The following CACNG1 variants were observed in gnomAD, a reference collection of about 807,000 sequenced individuals.
CACNG1 encodes the protein calcium voltage-gated channel auxiliary subunit gamma 1, also known as voltage-dependent calcium channel gamma-1 subunit.
A neutral mutation model predicts 22.0 loss-of-function variants in CACNG1; 21 were observed. The observed-to-expected ratio is 0.95, with a 90% CI of 0.68 to 1.37. The LOEUF is 1.37. Ranked by LOEUF, CACNG1 falls within the 40% of genes most tolerant of loss-of-function variation. The pLI is 0.00. For missense variants in CACNG1, 291 were observed against 308.6 expected, an observed-to-expected ratio of 0.94 and a Z score of 0.43; for synonymous variants, 127 against 129.2, an observed-to-expected ratio of 0.98 and a Z score of 0.12.
intron 1 of CACNG1, among the ~76,000 whole-genome samples, 160 bp downstream of exon 1, chr17:67,045,049 G>C (rs957297169): frequency 6.6e-6 from 1 of 152,236 alleles, no homozygotes; most frequent in Admixed American, 6.5e-5. Flanking sequence ...TTGCATGTGT[G>C]GTGCTGGTGG....
intron 1 of CACNG1, among the ~76,000 whole-genome samples, chr17:67,046,805 C>A (rs553987875): frequency 1.2e-4 from 19 of 152,328 alleles, no homozygotes; most frequent in African/African-American, 4.3e-4. Flanking sequence ...AGAATCCACA[C>A]AAGGAAGAGA....
chr17:67,054,955 GACAGAC>G lies in CACNG1; in HGVS notation c.305-142_305-137del. ...TACACACATACAATGACACACACAA[GACAGAC>G]ACAGAGACACACACTTGACACACAC... On this transcript the variant is annotated intron_variant, in intron 2 of 3. Transcript: ENST00000226021. This position sits in a 1 kb window ranked among gnomAD's most constrained non-coding sequence, Gnocchi z 4.6. 1 of 778,930 alleles carries G rather than the reference GACAGAC, an allele frequency of 1.3e-6. No individual in the cohort carries two copies. The highest frequency in any genetic ancestry group is 1.8e-5 in the African/African-American group (1 of 56,476). 48.3% of individuals were successfully genotyped at this position (778,930 alleles called of 1,614,324 possible).
chr17:67,056,121 G>A lies in CACNG1; in HGVS notation c.519G>A (p.Trp173Ter). The change falls in exon 4 of 4, where the codon TGG (tryptophan) becomes TGA (stop). Residue 173 changes from tryptophan (W) to a stop codon, truncating the protein, a stop_gained. Transcript: ENST00000226021. LOFTEE classifies it high-confidence loss of function. The surrounding 1 kb of genome is among the most constrained non-coding windows in gnomAD (Gnocchi z 4.3). Reference sequence around the variant, plus strand: ...TGATTGACAGTGAGGACACCGTCTGGATCGAGTACTATTACTCCTGGTCCT... The same window carrying A: ...TGATTGACAGTGAGGACACCGTCTGAATCGAGTACTATTACTCCTGGTCCT... ...KRMIDSEDTVWIEYYYSWSFA... is the reference protein window; with the variant it reads ...KRMIDSEDTV The A allele has an allele frequency of 6.2e-7, 1 of 1,613,760 alleles. No homozygotes were observed. Among genetic ancestry groups the A allele is most frequent in the Non-Finnish European group, 8.5e-7 (1 of 1,179,970 alleles).
chr17:67,047,631 A>G (rs2035704684), intron 1 of CACNG1, among the ~76,000 whole-genome samples: 1 of 152,196 alleles, frequency 6.6e-6, no homozygotes, highest in Admixed American at 6.5e-5. Flanking sequence ...CAGTGCAAAT[A>G]GTCTTTCTCC....
At chr17:67,047,346 A>G (rs1415302534) in intron 1 of CACNG1, among the ~76,000 whole-genome samples, 1 of 152,228 alleles carries the variant, frequency 6.6e-6, no homozygotes, top group Admixed American at 6.5e-5. Flanking sequence ...GCAATCCAGC[A>G]AGAAAAATGG....
chr17:67,050,198 G>A (rs552534011), intron 1 of CACNG1, among the ~76,000 whole-genome samples: 6 of 152,354 alleles, frequency 3.9e-5, no homozygotes, highest in Admixed American at 2.6e-4. Context: ...CTCTCAGTGC[G>A]GGAACTGGGA....
rs1167598115 is a variant in CACNG1, at chr17:67,054,867, GAC to G, written c.305-229_305-228del. 1.3e-5 allele frequency among the ~76,000 whole-genome samples: 2 copies of G among 148,834 alleles called. No individual in the cohort carries two copies. Among genetic ancestry groups the G allele is most frequent in the East Asian group, 2.0e-4 (1 of 5,084 alleles). ...ACACACGTACAATGACAGACACAGA[GAC>G]ACACACTGACACATATGCATGACAC... On this transcript the variant is annotated intron_variant, in intron 2 of 3. Transcript: ENST00000226021. The surrounding 1 kb of genome is among the most constrained non-coding windows in gnomAD (Gnocchi z 4.6).
chr17:67,055,056 G>A lies in CACNG1; in HGVS notation c.305-47G>A. The A allele has an allele frequency of 6.3e-7, 1 of 1,584,354 alleles. No homozygotes were observed. Among genetic ancestry groups the A allele is most frequent in the Non-Finnish European group, 8.6e-7 (1 of 1,160,912 alleles). On this transcript the variant is annotated intron_variant, in intron 2 of 3. Transcript: ENST00000226021. The surrounding 1 kb of genome is among the most constrained non-coding windows in gnomAD (Gnocchi z 4.5). The stretch of plus-strand genomic sequence containing the variant: ...TGTGGTCCCTAACGAGCCATGACAA[G>A]AGCTCCCATGCTGAGGCCGCATGCT...
chr17:67,055,122 C>T lies in CACNG1; in HGVS notation c.324C>T (p.Ala108=), dbSNP rs200335785. The change falls in exon 3 of 4, where the codon GCC becomes GCT. Residue 108 remains alanine (A), a synonymous_variant. Coordinates refer to ENST00000226021, the MANE Select transcript of CACNG1 (RefSeq NM_000727.4). The surrounding 1 kb of genome is among the most constrained non-coding windows in gnomAD (Gnocchi z 4.5). ...TTQKEYSISA[A]AIAIFSLGFI... is the part of the protein sequence containing the mutation. ...TTGCAGAGTACAGCATCTCGGCAGC[C>T]GCCATCGCCATCTTCAGCCTTGGCT... 225 of 1,614,094 alleles carry T rather than the reference C, an allele frequency of 1.4e-4. No homozygotes were observed. In the East Asian group the frequency reaches 2.3e-3, roughly 16 times the overall value.
chr17:67,056,334 C>A lies in CACNG1; in HGVS notation c.*63C>A, dbSNP rs1045538497. 5.3e-6 allele frequency: 8 copies of A among 1,499,140 alleles called. No individual in the cohort carries two copies. The highest frequency in any genetic ancestry group is 4.5e-5 in the East Asian group (2 of 44,296). 92.9% of individuals were successfully genotyped at this position (1,499,140 alleles called of 1,614,324 possible). On this transcript the variant is annotated 3_prime_UTR_variant, in exon 4 of 4. Transcript: ENST00000226021. This position sits in a 1 kb window ranked among gnomAD's most constrained non-coding sequence, Gnocchi z 4.3. ...CAGGAAGCGGGGTCTTGGCCTGGAA[C>A]CTTCCAGAGAGGAGGCGGGAGCAAT... is the stretch of plus-strand genomic sequence containing the variant.
chr17:67,054,061 A>C lies in CACNG1; in HGVS notation c.295A>C (p.Thr99Pro). The change falls in exon 2 of 4, where the codon ACT (threonine) becomes CCT (proline). Residue 99 changes from threonine to proline, a missense_variant. Coordinates refer to ENST00000226021, the MANE Select transcript of CACNG1 (RefSeq NM_000727.4). This position sits in a 1 kb window ranked among gnomAD's most constrained non-coding sequence, Gnocchi z 4.6. ...GESSEIFEFT[T>P]QKEYSISAAA... ...GAGCTCGGAGATCTTCGAATTCACC[A>C]CTCAGAAGGGTGAGCCTGGGTGGAA... 6.2e-7 allele frequency: 1 copy of C among 1,613,528 alleles called. No homozygotes were observed. Among genetic ancestry groups the C allele is most frequent in the Non-Finnish European group, 8.5e-7 (1 of 1,179,578 alleles).
intron 1 of CACNG1, among the ~76,000 whole-genome samples, chr17:67,048,277 C>T (rs1445956038): frequency 1.4e-5 from 2 of 142,370 alleles, no homozygotes; most frequent in Non-Finnish European, 3.0e-5. Flanking sequence ...TTGAGATCAA[C>T]CTGGGCAATA....
rs531357766 is a variant in CACNG1, at chr17:67,054,283, G to A, written c.304+213G>A. ...CCAGGGCCCGGAGCTTCCACACCTC[G>A]GGGCCAGGGAGCGTTTGCAGAAGCA... On this transcript the variant is annotated intron_variant, in intron 2 of 3. Transcript: ENST00000226021. The surrounding 1 kb of genome is among the most constrained non-coding windows in gnomAD (Gnocchi z 4.6). Among the ~76,000 whole-genome samples, 6 of 152,202 alleles carry A rather than the reference G, an allele frequency of 3.9e-5. No individual in the cohort carries two copies. Among genetic ancestry groups the A allele is most frequent in the African/African-American group, 9.6e-5 (4 of 41,452 alleles).
intron 1 of CACNG1, among the ~76,000 whole-genome samples, chr17:67,050,756 T>C (rs1248835914): frequency 1.3e-5 from 2 of 152,240 alleles, no homozygotes; most frequent in Non-Finnish European, 2.9e-5. Flanking sequence ...GCACAGTTAC[T>C]GATGCCCTTA....
At chr17:67,046,081 A>T (rs1465593740) in intron 1 of CACNG1, among the ~76,000 whole-genome samples, 1 of 152,044 alleles carries the variant, frequency 6.6e-6, no homozygotes, top group Admixed American at 6.6e-5. Context: ...GTGCTCATGG[A>T]GACCAGGCAG....
intron 1 of CACNG1, among the ~76,000 whole-genome samples, chr17:67,048,312 AAAAAAAAAAAAAAC>A (rs1370777788): frequency 1.2e-5 from 1 of 82,890 alleles, no homozygotes; most frequent in Non-Finnish European, 2.3e-5. Context: ...CCCTACCAAA[AAAAAAAAAAAAAAC>A]AAAAAAAAAA....
At chr17:67,047,223 T>A (rs1052478523) in intron 1 of CACNG1, among the ~76,000 whole-genome samples, 7 of 151,884 alleles carry the variant, frequency 4.6e-5, no homozygotes, top group African/African-American at 1.7e-4. Flanking sequence ...GGAAAAAAAA[T>A]GATAGAAAAA....
At position 67,052,918 on chromosome 17, in the gene CACNG1, G is replaced by C. The variant is rs180724430; in HGVS notation, c.230-1078G>C. Among the ~76,000 whole-genome samples, 320 of 152,214 alleles carry C rather than the reference G, an allele frequency of 2.1e-3. 1 individual carries two copies. The highest frequency in any genetic ancestry group is 7.3e-3 in the African/African-American group (302 of 41,524). On this transcript the variant is annotated intron_variant, in intron 1 of 3. Transcript: ENST00000226021. ...GCCTTCTAAAGTGCTGGGATTACAG[G>C]TGTGAGCCACCACGCCCGGCCTGTG...
chr17:67,046,629 C>G (rs1039136050), intron 1 of CACNG1, among the ~76,000 whole-genome samples: 1 of 152,168 alleles, frequency 6.6e-6, no homozygotes, highest in African/African-American at 2.4e-5. Context: ...CACCCATAAA[C>G]AGGAACAGCC....
Sources: allele counts gnomAD v4.1 joint callset (sites outside exome capture counted in the v4.1 genomes callset), GRCh38; gene constraint gnomAD v4.1.1; non-coding constraint Gnocchi (gnomAD v3.1); transcripts MANE v1.5; gene names NCBI Gene and HGNC (gene_info 2026-07-23, HGNC 2026-07-21).